Variants in PCM1 observed in about 807,000 individuals in gnomAD.
The protein encoded by PCM1 is pericentriolar material 1 protein.
Under a neutral mutation model 241.9 loss-of-function variants are expected in PCM1, and 157 were observed. The observed-to-expected ratio is 0.65, with a 90% CI of 0.57 to 0.74. The LOEUF is 0.74. Ranked by LOEUF, PCM1 falls within the 30% of genes least tolerant of loss-of-function variation. The pLI is 0.00. For missense variants in PCM1, 3,478 were observed against 2,360.1 expected (o/e 1.47, Z -9.81); for synonymous variants, 1,085 against 784.9 (o/e 1.38, Z -6.39).
chr8:18,025,383 G>A lies in PCM1; in HGVS notation c.5864G>A (p.Ser1955Asn). The change falls in exon 37 of 39, where the codon AGT (serine) becomes AAT (asparagine). Residue 1955 changes from serine (S) to asparagine (N), a missense_variant. By Grantham distance (46) the Ser-to-Asn change is conservative (BLOSUM62 1). Transcript: ENST00000325083. ...NDYEAESGNI[S>N]QKSDEEDFVK... ...CAGGAAGCAGAATCTGGTAATATAA[G>A]TCAAAAGTCTGATGAAGAAGATTTT... 1 of 1,595,816 alleles carries A rather than the reference G, an allele frequency of 6.3e-7. No individual in the cohort carries two copies. Among genetic ancestry groups the A allele is most frequent in the Non-Finnish European group, 8.6e-7 (1 of 1,166,888 alleles).
rs2129492464 is a variant in PCM1, at chr8:18,029,753, T to C, written c.*2091T>C. 1 of 195,474 alleles carries C rather than the reference T, an allele frequency of 5.1e-6. No individual in the cohort carries two copies. The highest frequency in any genetic ancestry group is 1.1e-5 in the Non-Finnish European group (1 of 94,018). The allele number at this position is 195,474 out of a possible 1,614,324, so 12.1% of individuals were successfully genotyped here. On this transcript the variant is annotated 3_prime_UTR_variant, in exon 39 of 39. Coordinates refer to ENST00000325083, the MANE Select transcript of PCM1 (RefSeq NM_006197.4). ...CATTCAGTATTCCTATTTGTCCTAA[T>C]TTTGAAGTTAAAAATTTTGGTTACA...
intron 7 of PCM1, among the ~76,000 whole-genome samples, chr8:17,949,050 G>A (rs1165423401): frequency 1.3e-5 from 2 of 152,096 alleles, no homozygotes; most frequent in Non-Finnish European, 2.9e-5. Flanking sequence ...TTCTTTTTCT[G>A]AATATGAACT....
chr8:18,005,790 G>A (rs1163986277), intron 29 of PCM1, among the ~76,000 whole-genome samples: 1 of 152,096 alleles, frequency 6.6e-6, no homozygotes, highest in African/African-American at 2.4e-5. Context: ...GTGGGTAGAG[G>A]CCAGGATGAT....
intron 7 of PCM1, 88 bp from the exon 8 acceptor site, chr8:17,950,527 C>A (rs757579890): frequency 4.4e-4 from 313 of 711,536 alleles, no homozygotes; most frequent in Non-Finnish European, 6.3e-4. Flanking sequence ...TTTTTAAATT[C>A]TTTTTTTAAA....
chr8:17,985,713 G>T, intron 25 of PCM1, 94 bp downstream of exon 25: 1 of 1,002,736 alleles, frequency 1.0e-6, no homozygotes, highest in South Asian at 1.6e-5. Context: ...TGTGCCATAT[G>T]AATTTTCATC....
intron 1 of PCM1, 41 bp downstream of exon 1, chr8:17,923,229 G>T (rs2055203276): frequency 6.6e-6 from 1 of 152,636 alleles, no homozygotes; most frequent in Admixed American, 6.5e-5. Flanking sequence ...ACCTAGGGCG[G>T]CGCGCCCCAG....
At chr8:17,967,652 T>G (rs1281438183) in intron 21 of PCM1, among the ~76,000 whole-genome samples, 1 of 152,208 alleles carries the variant, frequency 6.6e-6, no homozygotes, top group Non-Finnish European at 1.5e-5. Flanking sequence ...CGGTTGCTAA[T>G]GAAATTAAGT....
At position 17,966,450 on chromosome 8, in the gene PCM1, A is replaced by C. The variant is rs776240243; in HGVS notation, c.3198A>C (p.Thr1066=). The change falls in exon 20 of 39, where the codon ACA becomes ACC. Residue 1066 remains threonine, a synonymous_variant. Coordinates refer to ENST00000325083, the MANE Select transcript of PCM1 (RefSeq NM_006197.4). ...HQLNQCYTQL[T]WQQNNVQRLK... The stretch of plus-strand genomic sequence containing the variant: ...TGAACCAGTGCTATACTCAGCTAAC[A>C]TGGCAACAGAATAATGTTCAGAGGT... The C allele has an allele frequency of 6.2e-7, 1 of 1,613,808 alleles. No individual in the cohort carries two copies. Among genetic ancestry groups the C allele is most frequent in the South Asian group, 1.1e-5 (1 of 91,082 alleles).
intron 23 of PCM1, among the ~76,000 whole-genome samples, chr8:17,973,002 A>T (rs976320340): frequency 6.6e-6 from 1 of 152,054 alleles, no homozygotes; most frequent in African/African-American, 2.4e-5. Flanking sequence ...TTGCTATTGT[A>T]TCAGATCCTG....
At chr8:17,971,200 T>C (rs1200024792) in intron 22 of PCM1, among the ~76,000 whole-genome samples, 1 of 152,230 alleles carries the variant, frequency 6.6e-6, no homozygotes, top group Non-Finnish European at 1.5e-5. Flanking sequence ...TTCTTAGCTC[T>C]CAGGTCATAT....
At chr8:17,984,363 G>A (rs1384614420) in intron 24 of PCM1, among the ~76,000 whole-genome samples, 5 of 151,844 alleles carry the variant, frequency 3.3e-5, no homozygotes, top group Admixed American at 1.3e-4. Flanking sequence ...TTTGGTTCCT[G>A]CTTATTATAA....
chr8:18,019,459 C>T (rs944093057), intron 36 of PCM1, among the ~76,000 whole-genome samples: 4 of 151,984 alleles, frequency 2.6e-5, no homozygotes, highest in East Asian at 1.9e-4. Context: ...ATTATTATTA[C>T]GTTATATAAT....
rs527531850 is a variant in PCM1 at position 18,026,451 on chromosome 8, G to A, written c.6049+793G>A. Among the ~76,000 whole-genome samples, 143 of 150,810 alleles carry A rather than the reference G, an allele frequency of 9.5e-4. 1 individual carries two copies. Among genetic ancestry groups the A allele is most frequent in the African/African-American group, 3.3e-3 (136 of 41,092 alleles). ...TTTTTTGTATTTTTTAAGTAGAGAC[G>A]GGGTTTCACCAAGTTACTCAGATGG... On this transcript the variant is annotated intron_variant, in intron 38 of 38. Coordinates refer to ENST00000325083, the MANE Select transcript of PCM1 (RefSeq NM_006197.4).
intron 21 of PCM1, among the ~76,000 whole-genome samples, chr8:17,968,683 A>G (rs569454542): frequency 6.6e-6 from 1 of 151,556 alleles, no homozygotes; most frequent in Non-Finnish European, 1.5e-5. Flanking sequence ...TTACATACAT[A>G]TATTACAGTG....
intron 30 of PCM1, among the ~76,000 whole-genome samples, chr8:18,008,515 T>C (rs2091921096): frequency 6.6e-6 from 1 of 152,022 alleles, no homozygotes; most frequent in South Asian, 2.1e-4. Flanking sequence ...AAGCTATGGT[T>C]GGGGGAAAAG....
chr8:17,947,491 C>T (rs1014589668), intron 7 of PCM1, 128 bp downstream of exon 7: 23 of 677,058 alleles, frequency 3.4e-5, no homozygotes, highest in Non-Finnish European at 1.9e-5. Flanking sequence ...TCATATGAGG[C>T]TTATACTTTC....
chr8:18,011,516 C>A, intron 33 of PCM1, 150 bp downstream of exon 33: 2 of 1,049,054 alleles, frequency 1.9e-6, no homozygotes, highest in Non-Finnish European at 2.7e-6. Flanking sequence ...ATTATCTAGA[C>A]TTTCTGCACT....
At chr8:17,949,500 CT>C (rs556627460) in intron 7 of PCM1, among the ~76,000 whole-genome samples, 10,878 of 141,508 alleles carry the variant, frequency 0.077, 1,181 homozygotes, top group African/African-American at 0.26. Flanking sequence ...TTTTCTTTAT[CT>C]TTTTTTTTTT....
intron 9 of PCM1, among the ~76,000 whole-genome samples, chr8:17,954,647 T>C (rs2067362849): frequency 6.6e-6 from 1 of 152,078 alleles, no homozygotes; most frequent in Admixed American, 6.6e-5. Context: ...ACAGGAATTG[T>C]GGTACTAAAG....
Sources: allele counts gnomAD v4.1 joint callset (sites outside exome capture counted in the v4.1 genomes callset), GRCh38; gene constraint gnomAD v4.1.1; transcripts MANE v1.5; gene names NCBI Gene and HGNC (gene_info 2026-07-23, HGNC 2026-07-21).